The following SPATA6 variants were observed in gnomAD, a reference collection of about 807,000 sequenced individuals.
SPATA6 encodes the protein spermatogenesis associated 6.
Under a neutral mutation model 65.3 loss-of-function variants are expected in SPATA6, and 56 were observed. The ratio of observed to expected loss-of-function variants is 0.86; its 90% confidence interval spans 0.69 to 1.07. The LOEUF is 1.07. Among genes scored for constraint, SPATA6 ranks in the 50% least tolerant of loss-of-function variants. The pLI, the probability that SPATA6 is intolerant of heterozygous loss-of-function variation, is 0.00. For missense variants in SPATA6, 590 were observed against 594.8 expected, an observed-to-expected ratio of 0.99 and a Z score of 0.08; for synonymous variants, 199 against 213.2, an observed-to-expected ratio of 0.93 and a Z score of 0.58.
chr1:48,274,293 C>G, the SPATA6 span, among the ~76,000 whole-genome samples: 1 of 152,176 alleles, frequency 6.6e-6, no homozygotes, highest in South Asian at 2.1e-4. Flanking sequence ...CTGTAGGTTG[C>G]CTGTTCACTC....
intron 3 of SPATA6, among the ~76,000 whole-genome samples, chr1:48,435,162 T>C (rs953547845): frequency 1.3e-5 from 2 of 152,066 alleles, no homozygotes; most frequent in African/African-American, 4.8e-5. Flanking sequence ...TCACCAATAA[T>C]AATAAACAAG....
intron 11 of SPATA6, among the ~76,000 whole-genome samples, chr1:48,316,450 T>C (rs900658417): frequency 2.6e-5 from 4 of 152,216 alleles, no homozygotes; most frequent in Non-Finnish European, 4.4e-5. Context: ...CCCTATTTAA[T>C]AAATAGTGCT....
rs1291961528 is a variant in SPATA6 at position 48,359,802 on chromosome 1, C to G, written c.910-32G>C. On this transcript the variant is annotated intron_variant, in intron 9 of 12. Coordinates refer to ENST00000371847, the MANE Select transcript of SPATA6 (RefSeq NM_019073.4). Reference sequence around the variant, plus strand: ...TAAAAATTATATACATATAGATATACAAATACAGATACATATGTATATAAC... The same window carrying G: ...TAAAAATTATATACATATAGATATAGAAATACAGATACATATGTATATAAC... The G allele has an allele frequency of 5.3e-6, 8 of 1,502,268 alleles. No individual in the cohort carries two copies. In the East Asian group the frequency reaches 1.7e-4, roughly 32 times the overall value. 93.1% of individuals were successfully genotyped at this position (1,502,268 alleles called of 1,614,324 possible). A position where few individuals can be genotyped will look rare whatever the true frequency, so the allele number is the denominator to read the frequency against.
At chr1:48,362,852 T>C (rs909929861) in intron 9 of SPATA6, among the ~76,000 whole-genome samples, 14 of 152,068 alleles carry the variant, frequency 9.2e-5, no homozygotes, top group African/African-American at 3.4e-4. Flanking sequence ...ACAAATGTAA[T>C]AGAGAATATC....
At chr1:48,463,349 G>A (rs778588304) in intron 1 of SPATA6, among the ~76,000 whole-genome samples, 1 of 151,982 alleles carries the variant, frequency 6.6e-6, no homozygotes, top group African/African-American at 2.4e-5. Flanking sequence ...TATGTGTATA[G>A]GTAGGGGGGA....
At chr1:48,319,546 T>C (rs1370740092) in intron 11 of SPATA6, among the ~76,000 whole-genome samples, 1 of 151,820 alleles carries the variant, frequency 6.6e-6, no homozygotes, top group African/African-American at 2.4e-5. Flanking sequence ...GCCATGAAAA[T>C]CAAGGAAAGA....
intron 3 of SPATA6, among the ~76,000 whole-genome samples, chr1:48,446,575 T>C (rs998604109): frequency 1.3e-5 from 2 of 151,880 alleles, no homozygotes; most frequent in Non-Finnish European, 2.9e-5. Flanking sequence ...CAGTGCCAGG[T>C]AGAGAAAAAA....
intron 11 of SPATA6, among the ~76,000 whole-genome samples, chr1:48,322,738 AC>A (rs1290349719): frequency 1.3e-5 from 2 of 152,116 alleles, no homozygotes; most frequent in Non-Finnish European, 2.9e-5. Flanking sequence ...CAAACAAACA[AC>A]CCCATCAAAA....
intron 11 of SPATA6, among the ~76,000 whole-genome samples, chr1:48,340,574 T>A (rs974107814): frequency 6.6e-6 from 1 of 151,332 alleles, no homozygotes; most frequent in Admixed American, 6.6e-5. Context: ...ATTAAAAAAA[T>A]AAGCACTCTA....
At chr1:48,460,609 G>A (rs1657356178) in intron 1 of SPATA6, among the ~76,000 whole-genome samples, 1 of 151,922 alleles carries the variant, frequency 6.6e-6, no homozygotes, top group Non-Finnish European at 1.5e-5. Flanking sequence ...AGAAATAAAA[G>A]GCACACAGTT....
rs1358488800 is a variant in SPATA6, at chr1:48,385,316, T to C, written c.902A>G (p.Asp301Gly). Residue 301 changes from aspartate to glycine, a missense_variant, in exon 9 of 13, where the codon GAT becomes GGT. Coordinates refer to ENST00000371847, the MANE Select transcript of SPATA6 (RefSeq NM_019073.4). ...ACAATTCATTCTACACACCTTATAATCCTTGGGTCGGCAGCAGCCAAGATG... is the reference window on the plus strand; with the variant it reads ...ACAATTCATTCTACACACCTTATAACCCTTGGGTCGGCAGCAGCCAAGATG... ...HSHLGCCRPK[D>G]YKVIRTPHGR... 1.2e-6 allele frequency: 2 copies of C among 1,607,514 alleles called. No individual in the cohort carries two copies. Among genetic ancestry groups the C allele is most frequent in the Non-Finnish European group, 1.7e-6 (2 of 1,177,876 alleles).
rs71056669 is a variant in SPATA6, at chr1:48,442,717, T to TAAAAAAAAAAAAAAAAAA, written c.238+8817_238+8834dup. ...CAAAGAGAAAGAGAGATGGAAGTAG[T>TAAAAAAAAAAAAAAAAAA]AAAAAAAAAAAAAAAAAAAAAAAAA... On this transcript the variant is annotated intron_variant, in intron 3 of 12. Coordinates refer to ENST00000371847, the MANE Select transcript of SPATA6 (RefSeq NM_019073.4). Among the ~76,000 whole-genome samples the TAAAAAAAAAAAAAAAAAA allele has an allele frequency of 1.7e-4, 8 of 46,218 alleles. 1 individual carries two copies. Among genetic ancestry groups the TAAAAAAAAAAAAAAAAAA allele is most frequent in the African/African-American group, 7.3e-4 (8 of 10,930 alleles). The allele number at this position is 46,218 out of a possible 152,430, so 30.3% of individuals were successfully genotyped here.
intron 9 of SPATA6, among the ~76,000 whole-genome samples, chr1:48,361,371 T>C (rs1462960217): frequency 6.6e-6 from 1 of 151,996 alleles, no homozygotes; most frequent in Non-Finnish European, 1.5e-5. Flanking sequence ...ACTTGATAGG[T>C]CAAGTTAGAA....
chr1:48,351,123 T>C (rs1190839040), intron 11 of SPATA6, among the ~76,000 whole-genome samples: 2 of 151,960 alleles, frequency 1.3e-5, no homozygotes, highest in Non-Finnish European at 2.9e-5. Flanking sequence ...CTATTGTAAA[T>C]GGCATAGATC....
intron 11 of SPATA6, chr1:48,325,589 G>T (rs1170605034): frequency 1.1e-5 from 10 of 898,936 alleles, no homozygotes; most frequent in Non-Finnish European, 1.9e-5. Flanking sequence ...AATGGTAAAG[G>T]TGGAAATCCA....
intron 3 of SPATA6, among the ~76,000 whole-genome samples, chr1:48,427,311 G>A (rs1400254657): frequency 6.7e-6 from 1 of 149,524 alleles, no homozygotes. Flanking sequence ...TAAAATACAA[G>A]AAAATGAGAA....
At chr1:48,263,590 ACCT>A in the SPATA6 span, among the ~76,000 whole-genome samples, 1 of 151,874 alleles carries the variant, frequency 6.6e-6, no homozygotes, top group East Asian at 1.9e-4. Context: ...CTCCTTTCCT[ACCT>A]ATTGCAATTC....
the SPATA6 span, among the ~76,000 whole-genome samples, chr1:48,274,967 A>C: frequency 1.3e-5 from 2 of 152,334 alleles, no homozygotes; most frequent in African/African-American, 4.8e-5. Context: ...CTTCCTATCC[A>C]TGAGCATGGA....
chr1:48,341,566 T>C (rs929232015), intron 11 of SPATA6, among the ~76,000 whole-genome samples: 1 of 152,256 alleles, frequency 6.6e-6, no homozygotes, highest in East Asian at 1.9e-4. Flanking sequence ...CAAAGCACAA[T>C]AGTGATGCTG....
Sources: gnomAD v4.1 joint callset for allele counts (sites outside exome capture counted in the v4.1 genomes callset) on GRCh38, gnomAD v4.1.1 for gene constraint, MANE v1.5 for transcripts, NCBI Gene and HGNC (gene_info 2026-07-23, HGNC 2026-07-21) for gene names.